The following VWA8 variants were observed in gnomAD, a reference collection of about 807,000 sequenced individuals.
VWA8 encodes the protein von Willebrand factor A domain-containing protein 8.
Under a neutral mutation model 241.5 loss-of-function variants are expected in VWA8, and 221 were observed. That is an observed-to-expected ratio of 0.91 (90% CI 0.82 to 1.02). The LOEUF (loss-of-function observed/expected upper bound fraction) is 1.02. Among genes scored for constraint, VWA8 ranks in the 50% least tolerant of loss-of-function variants. VWA8 has a pLI of 0.00. For synonymous variants in VWA8, 852 were observed against 827.1 expected (o/e 1.03, Z -0.52); for missense variants, 2,322 against 2,328.7 (o/e 1.00, Z 0.06).
intron 37 of VWA8, among the ~76,000 whole-genome samples, chr13:41,654,264 T>C (rs1255875936): frequency 6.6e-6 from 1 of 152,176 alleles, no homozygotes; most frequent in Non-Finnish European, 1.5e-5. Flanking sequence ...TCTTCAAATA[T>C]ATGCCCACAA....
intron 4 of VWA8, among the ~76,000 whole-genome samples, chr13:41,899,705 T>C (rs192242099): frequency 2.7e-4 from 41 of 152,296 alleles, no homozygotes; most frequent in African/African-American, 8.7e-4. Context: ...TTGTAAAGAA[T>C]AAATTTTAAA....
Position 41,897,841 on chromosome 13 carries a change from C to G in VWA8, c.484-6254G>C, listed in dbSNP as rs143322163. 6.3e-3 allele frequency among the ~76,000 whole-genome samples: 955 copies of G among 152,150 alleles called. 6 individuals carry two copies. Among genetic ancestry groups the G allele is most frequent in the African/African-American group, 0.022 (906 of 41,502 alleles). On this transcript the variant is annotated intron_variant, in intron 4 of 44. Transcript: ENST00000379310. Reference sequence around the variant, plus strand: ...AGCTTCCACACTGTGGAAGGGGACCCGAGCGGGTTGCCACTGCTGGCTCCG... The same window carrying G: ...AGCTTCCACACTGTGGAAGGGGACCGGAGCGGGTTGCCACTGCTGGCTCCG...
chr13:41,660,625 G>A (rs1386213745), intron 37 of VWA8, among the ~76,000 whole-genome samples: 3 of 152,126 alleles, frequency 2.0e-5, no homozygotes, highest in Non-Finnish European at 4.4e-5. Flanking sequence ...CAGCCTTAAC[G>A]TTGTTTAGGG....
intron 40 of VWA8, among the ~76,000 whole-genome samples, chr13:41,598,286 C>T (rs1167986551): frequency 6.6e-6 from 1 of 151,908 alleles, no homozygotes; most frequent in Non-Finnish European, 1.5e-5. Context: ...ATTTAACTAA[C>T]CAAAAACCAA....
intron 12 of VWA8, among the ~76,000 whole-genome samples, chr13:41,835,525 T>C (rs1871683034): frequency 6.6e-6 from 1 of 152,182 alleles, no homozygotes; most frequent in Non-Finnish European, 1.5e-5. Context: ...ATCACCATCA[T>C]CCGTGTTTAC....
chr13:41,675,524 G>T, intron 35 of VWA8, among the ~76,000 whole-genome samples: 1 of 151,986 alleles, frequency 6.6e-6, no homozygotes, highest in East Asian at 1.9e-4. Context: ...TATTTTCATT[G>T]TCTTTGATAG....
chr13:41,831,963 G>A (rs539929404), intron 13 of VWA8, among the ~76,000 whole-genome samples: 12 of 136,778 alleles, frequency 8.8e-5, no homozygotes, highest in African/African-American at 2.5e-4. Flanking sequence ...ACAGAGTCTC[G>A]CTCTGTCACC....
At chr13:41,815,251 G>C (rs1870638697) in intron 16 of VWA8, among the ~76,000 whole-genome samples, 1 of 152,144 alleles carries the variant, frequency 6.6e-6, no homozygotes, top group African/African-American at 2.4e-5. Context: ...GCCCCAGAGG[G>C]GGATTAAGTA....
At chr13:41,952,807 TGA>T (rs1878194614) in intron 1 of VWA8, among the ~76,000 whole-genome samples, 1 of 152,026 alleles carries the variant, frequency 6.6e-6, no homozygotes, top group Non-Finnish European at 1.5e-5. Flanking sequence ...ACATTCAAAC[TGA>T]GTAACTGAGG....
chr13:41,801,369 A>G (rs1322143237), intron 17 of VWA8, among the ~76,000 whole-genome samples: 1 of 152,194 alleles, frequency 6.6e-6, no homozygotes, highest in African/African-American at 2.4e-5. Flanking sequence ...TCAAGTTGCA[A>G]CACAAGGAGC....
In VWA8 at chr13:41,871,860, A is replaced by C. The variant is rs184749227; in HGVS notation, c.1081-3383T>G. ...TGGGTCAAATGGTATTTCTAGCTCTAGATCCCTGAGAAATCGCCACACTGA... is the reference window on the plus strand; with the variant it reads ...TGGGTCAAATGGTATTTCTAGCTCTCGATCCCTGAGAAATCGCCACACTGA... On this transcript the variant is annotated intron_variant, in intron 9 of 44. Transcript: ENST00000379310. Among the ~76,000 whole-genome samples, 552 of 152,342 alleles carry C rather than the reference A, an allele frequency of 3.6e-3. 1 individual carries two copies. Among genetic ancestry groups the C allele is most frequent in the Non-Finnish European group, 6.0e-3 (406 of 68,040 alleles).
chr13:41,622,462 C>A (rs35117235), intron 37 of VWA8, among the ~76,000 whole-genome samples: 10,644 of 152,172 alleles, frequency 0.07, 738 homozygotes, highest in African/African-American at 0.18. Context: ...CAATTACTGA[C>A]ATAAACACTA....
chr13:41,739,485 T>C (rs982240731), intron 21 of VWA8, among the ~76,000 whole-genome samples: 1 of 152,180 alleles, frequency 6.6e-6, no homozygotes, highest in African/African-American at 2.4e-5. Context: ...ATAATATTAT[T>C]TGATATACTC....
chr13:41,729,808 C>CACACAT, intron 22 of VWA8, 131 bp from the exon 23 acceptor site: 1 of 483,832 alleles, frequency 2.1e-6, no homozygotes. Flanking sequence ...GACACACACA[C>CACACAT]ACACACACAC....
intron 37 of VWA8, among the ~76,000 whole-genome samples, chr13:41,648,323 T>C (rs942465399): frequency 6.6e-6 from 1 of 152,220 alleles, no homozygotes; most frequent in African/African-American, 2.4e-5. Flanking sequence ...ATTTCTGATT[T>C]TTTTCTGCCA....
intron 22 of VWA8, among the ~76,000 whole-genome samples, chr13:41,729,958 T>C (rs1477108322): frequency 6.6e-6 from 1 of 152,004 alleles, no homozygotes; most frequent in Non-Finnish European, 1.5e-5. Context: ...ATTATTCCCA[T>C]GGTAGTGATA....
chr13:41,711,191 G>C (rs998638089), intron 26 of VWA8, among the ~76,000 whole-genome samples: 1 of 152,198 alleles, frequency 6.6e-6, no homozygotes, highest in Non-Finnish European at 1.5e-5. Context: ...TCTGATATAA[G>C]GGAAGGAAGT....
intron 26 of VWA8, among the ~76,000 whole-genome samples, chr13:41,706,775 T>G (rs1299169011): frequency 6.6e-6 from 1 of 152,204 alleles, no homozygotes; most frequent in Admixed American, 6.5e-5. Flanking sequence ...AGACTTAAGT[T>G]TTAATATCTG....
chr13:41,778,883 C>T (rs1241623562), intron 19 of VWA8, among the ~76,000 whole-genome samples: 1 of 139,422 alleles, frequency 7.2e-6, no homozygotes, highest in East Asian at 2.1e-4. Flanking sequence ...ACTCTATCGC[C>T]CAGGCTGGAG....
Sources: allele counts gnomAD v4.1 joint callset (sites outside exome capture counted in the v4.1 genomes callset), GRCh38; gene constraint gnomAD v4.1.1; transcripts MANE v1.5; gene names NCBI Gene and HGNC (gene_info 2026-07-23, HGNC 2026-07-21).